LRRTM4: variants seen among roughly 807,000 people sequenced by gnomAD.
The protein encoded by LRRTM4 is leucine-rich repeat transmembrane neuronal protein 4.
In LRRTM4, 25 loss-of-function variants were observed where a neutral mutation model predicts 47.6. The observed-to-expected ratio is 0.53, with a 90% CI of 0.38 to 0.73. The LOEUF (loss-of-function observed/expected upper bound fraction) is 0.73. Among genes scored for constraint, LRRTM4 ranks in the 30% least tolerant of loss-of-function variants. The pLI is 0.00. For missense variants in LRRTM4, 638 were observed against 713.4 expected (o/e 0.89, Z 1.20); for synonymous variants, 311 against 269.5 (o/e 1.15, Z -1.51).
chr2:77,505,965 C>T (rs759416829), intron 3 of LRRTM4, among the ~76,000 whole-genome samples: 3 of 151,424 alleles, frequency 2.0e-5, no homozygotes, highest in Non-Finnish European at 4.4e-5. Context: ...GAGAGCGATA[C>T]AAAAATCTCA....
intron 3 of LRRTM4, among the ~76,000 whole-genome samples, chr2:77,492,160 A>G (rs1678192313): frequency 1.3e-5 from 2 of 152,202 alleles, no homozygotes; most frequent in Non-Finnish European, 2.9e-5. Flanking sequence ...AAAAGTATGC[A>G]AAGAATATTA....
rs529520374 is a variant in LRRTM4, at chr2:77,191,574, CTATT to C, written c.1551+326740_1551+326743del. ...CCAATTAAAATTTTAAATTAAAACT[CTATT>C]TATAAATATTAAAAAGATTACCATT... On this transcript the variant is annotated intron_variant, in intron 3 of 3. Coordinates refer to ENST00000409884, the MANE Select transcript of LRRTM4 (RefSeq NM_001134745.3). Among the ~76,000 whole-genome samples the C allele has an allele frequency of 2.6e-4, 40 of 151,704 alleles. No homozygotes were observed. The South Asian group carries it at 7.7e-3, about 29-fold the overall frequency.
At chr2:76,924,510 C>T (rs1674528280) in intron 3 of LRRTM4, among the ~76,000 whole-genome samples, 1 of 151,964 alleles carries the variant, frequency 6.6e-6, no homozygotes, top group Non-Finnish European at 1.5e-5. Flanking sequence ...AAAGATATTG[C>T]TAAACTTCCA....
At chr2:77,239,113 T>G (rs1290579498) in intron 3 of LRRTM4, among the ~76,000 whole-genome samples, 2 of 151,892 alleles carry the variant, frequency 1.3e-5, no homozygotes, top group Non-Finnish European at 2.9e-5. Context: ...ATATTTTCAT[T>G]CTTACTTGTA....
chr2:76,957,344 T>C lies in LRRTM4; in HGVS notation c.1552-208428A>G, dbSNP rs1675707978. On this transcript the variant is annotated intron_variant, in intron 3 of 3. Transcript: ENST00000409884. ...TTTAGAGATATGCTCTACAACAAAG[T>C]GCATATAGTTAACAATGTTTTACTG... Among the ~76,000 whole-genome samples the C allele has an allele frequency of 5.3e-5, 8 of 151,660 alleles. No homozygotes were observed. In the South Asian group the frequency reaches 1.7e-3, roughly 31 times the overall value.
chr2:76,794,742 G>A (rs80108942), intron 3 of LRRTM4, among the ~76,000 whole-genome samples: 1,888 of 151,824 alleles, frequency 0.012, 44 homozygotes, highest in African/African-American at 0.044. Context: ...ATGGTGTACT[G>A]TCTTGTACTT....
At chr2:77,288,755 AT>A (rs1458723000) in intron 3 of LRRTM4, among the ~76,000 whole-genome samples, 7 of 152,082 alleles carry the variant, frequency 4.6e-5, no homozygotes, top group African/African-American at 1.7e-4. Flanking sequence ...ATACTATGAT[AT>A]GTTCAAACTC....
chr2:77,296,808 G>A lies in LRRTM4; in HGVS notation c.1551+221510C>T, dbSNP rs576726327. Among the ~76,000 whole-genome samples, 25 of 152,292 alleles carry A rather than the reference G, an allele frequency of 1.6e-4. No homozygotes were observed. The South Asian group carries it at 5.2e-3, about 32-fold the overall frequency. ...TGGATATTGCTTTTCTCACATGAAT[G>A]TAGAACGATGCCCAAGGTGAGAATA... On this transcript the variant is annotated intron_variant, in intron 3 of 3. Transcript: ENST00000409884.
At chr2:77,187,858 A>C (rs2103871634) in intron 3 of LRRTM4, among the ~76,000 whole-genome samples, 1 of 152,164 alleles carries the variant, frequency 6.6e-6, no homozygotes, top group South Asian at 2.1e-4. Flanking sequence ...AAATCATTTT[A>C]TTTTTTCTTA....
chr2:76,894,857 T>C (rs1238538242), intron 3 of LRRTM4, among the ~76,000 whole-genome samples: 2 of 151,726 alleles, frequency 1.3e-5, no homozygotes, highest in Middle Eastern at 6.8e-3. Context: ...TATATACACA[T>C]GCGCACATTG....
intron 3 of LRRTM4, among the ~76,000 whole-genome samples, chr2:77,303,624 T>A (rs867458827): frequency 2.6e-5 from 4 of 152,190 alleles, no homozygotes; most frequent in East Asian, 1.9e-4. Flanking sequence ...AATAAAAAAT[T>A]GTTGAATGAG....
intron 3 of LRRTM4, among the ~76,000 whole-genome samples, chr2:77,477,211 C>T (rs964665076): frequency 3.9e-5 from 6 of 151,974 alleles, no homozygotes; most frequent in South Asian, 2.1e-4. Flanking sequence ...GCATCATGTA[C>T]GGTTGGATCA....
intron 3 of LRRTM4, among the ~76,000 whole-genome samples, chr2:76,922,395 T>A (rs1447537742): frequency 6.6e-6 from 1 of 151,918 alleles, no homozygotes; most frequent in Non-Finnish European, 1.5e-5. Flanking sequence ...AAGTGGGAAG[T>A]GCCACATACT....
chr2:76,775,101 A>C (rs929681830), intron 3 of LRRTM4, among the ~76,000 whole-genome samples: 5 of 152,080 alleles, frequency 3.3e-5, no homozygotes, highest in Admixed American at 2.6e-4. Context: ...TTATCTCTTC[A>C]TGATTTCTTT....
chr2:77,179,404 C>G (rs539121428), intron 3 of LRRTM4, among the ~76,000 whole-genome samples: 1 of 152,088 alleles, frequency 6.6e-6, no homozygotes, highest in African/African-American at 2.4e-5. Context: ...GTCAGAGGTT[C>G]TTGAAATATT....
chr2:77,035,002 C>G (rs1013354306), intron 3 of LRRTM4, among the ~76,000 whole-genome samples: 6 of 151,804 alleles, frequency 4.0e-5, no homozygotes, highest in African/African-American at 1.4e-4. Context: ...CTCTCATTCT[C>G]CAAATGTGAT....
intron 3 of LRRTM4, among the ~76,000 whole-genome samples, chr2:76,898,236 T>G (rs1283210225): frequency 6.6e-6 from 1 of 152,138 alleles, no homozygotes; most frequent in Admixed American, 6.6e-5. Context: ...TTTGACAAAT[T>G]ACTTCTTTTC....
At chr2:77,091,326 A>G (rs1267742429) in intron 3 of LRRTM4, among the ~76,000 whole-genome samples, 10 of 143,218 alleles carry the variant, frequency 7.0e-5, no homozygotes, top group Non-Finnish European at 1.0e-4. Flanking sequence ...CCATCTCATT[A>G]AAACCTAATC....
chr2:76,802,303 C>A (rs80054065), intron 3 of LRRTM4, among the ~76,000 whole-genome samples: 4,547 of 149,124 alleles, frequency 0.03, 220 homozygotes, highest in African/African-American at 0.092. Flanking sequence ...GCAAAATACA[C>A]AAATCTCTAG....
Sources: allele counts gnomAD v4.1 joint callset (sites outside exome capture counted in the v4.1 genomes callset), GRCh38; gene constraint gnomAD v4.1.1; transcripts MANE v1.5; gene names NCBI Gene and HGNC (gene_info 2026-07-23, HGNC 2026-07-21).